Variants in ROBO1 observed in about 807,000 individuals in gnomAD.
The protein encoded by ROBO1 is roundabout homolog 1.
A neutral mutation model predicts 195.9 loss-of-function variants in ROBO1; 149 were observed. The ratio of observed to expected loss-of-function variants is 0.76; its 90% CI spans 0.67 to 0.87. The LOEUF (loss-of-function observed/expected upper bound fraction) is 0.87. Among genes scored for constraint, ROBO1 ranks in the 40% least tolerant of loss-of-function variants. ROBO1 has a pLI of 0.00. For synonymous variants in ROBO1, 816 were observed against 733.2 expected, an observed-to-expected ratio of 1.11 and a Z score of -1.82; for missense variants, 1,933 against 2,068.3, an observed-to-expected ratio of 0.93 and a Z score of 1.27.
At chr3:78,817,293 A>G (rs765410469) in intron 4 of ROBO1, among the ~76,000 whole-genome samples, 25 of 152,228 alleles carry the variant, frequency 1.6e-4, no homozygotes, top group Non-Finnish European at 3.5e-4. Context: ...GACTCATTTG[A>G]GATTAAGATG....
At chr3:79,630,818 A>C (rs1945317556) in intron 1 of ROBO1, among the ~76,000 whole-genome samples, 1 of 152,020 alleles carries the variant, frequency 6.6e-6, no homozygotes, top group Non-Finnish European at 1.5e-5. Context: ...AATCAGTAAC[A>C]TTTCTATACA....
At chr3:78,820,389 T>G (rs1402113233) in intron 4 of ROBO1, among the ~76,000 whole-genome samples, 4 of 152,150 alleles carry the variant, frequency 2.6e-5, no homozygotes, top group African/African-American at 9.7e-5. Context: ...CTTGGAGACA[T>G]TAAGTAACTT....
chr3:79,399,171 G>A (rs990260128), intron 2 of ROBO1, among the ~76,000 whole-genome samples: 2 of 152,132 alleles, frequency 1.3e-5, no homozygotes, highest in African/African-American at 4.8e-5. Context: ...AGAGAAATGT[G>A]AGAAGTCATA....
intron 3 of ROBO1, among the ~76,000 whole-genome samples, chr3:78,971,407 TC>T (rs2107914497): frequency 6.6e-6 from 1 of 152,088 alleles, no homozygotes; most frequent in Non-Finnish European, 1.5e-5. Context: ...AAAAGAAGTG[TC>T]CAGGACTCAA....
intron 28 of ROBO1, among the ~76,000 whole-genome samples, chr3:78,610,105 T>C (rs942894301): frequency 6.6e-6 from 1 of 152,168 alleles, no homozygotes; most frequent in Non-Finnish European, 1.5e-5. Flanking sequence ...ATCATATAAA[T>C]AGACTCAACA....
intron 4 of ROBO1, among the ~76,000 whole-genome samples, chr3:78,765,181 G>A (rs35077320): frequency 0.26 from 38,717 of 151,764 alleles, 5,096 homozygotes; most frequent in Non-Finnish European, 0.28. Context: ...TCTATATGCA[G>A]ATCATGACTG....
At chr3:78,810,514 A>C (rs192481569) in intron 4 of ROBO1, among the ~76,000 whole-genome samples, 2 of 152,284 alleles carry the variant, frequency 1.3e-5, no homozygotes, top group Admixed American at 1.3e-4. Flanking sequence ...CAAAAAATGA[A>C]GTATATTATT....
intron 1 of ROBO1, among the ~76,000 whole-genome samples, chr3:79,740,831 A>G (rs956584637): frequency 2.0e-5 from 3 of 152,336 alleles, no homozygotes; most frequent in African/African-American, 4.8e-5. Flanking sequence ...CACTCTGCCA[A>G]TTAACATTGT....
At chr3:79,059,298 G>A (rs2078870544) in intron 3 of ROBO1, among the ~76,000 whole-genome samples, 1 of 152,018 alleles carries the variant, frequency 6.6e-6, no homozygotes, top group Non-Finnish European at 1.5e-5. Context: ...TGGAGCTGAG[G>A]CATTAGATCA....
At chr3:79,052,673 C>A (rs1424478174) in intron 3 of ROBO1, among the ~76,000 whole-genome samples, 1 of 152,068 alleles carries the variant, frequency 6.6e-6, no homozygotes, top group African/African-American at 2.4e-5. Flanking sequence ...CTCTTTATTT[C>A]TCAGACTGGC....
intron 4 of ROBO1, among the ~76,000 whole-genome samples, chr3:78,761,372 T>C (rs1400618006): frequency 2.6e-5 from 4 of 151,782 alleles, no homozygotes; most frequent in Non-Finnish European, 5.9e-5. Flanking sequence ...TTATAAACAT[T>C]AAAAAAAATA....
Position 78,705,353 on chromosome 3 carries a change from C to T in ROBO1, c.1045+9044G>A, listed in dbSNP as rs559344951. 4.6e-5 allele frequency among the ~76,000 whole-genome samples: 7 copies of T among 152,328 alleles called. No homozygotes were observed. The South Asian group carries it at 1.2e-3, about 27-fold the overall frequency. ...ATAAGCACCCCATAATCCACACCCACTTTCTTGGGAATTCAACTATTTTAT... is the reference window on the plus strand; with the variant it reads ...ATAAGCACCCCATAATCCACACCCATTTTCTTGGGAATTCAACTATTTTAT... On this transcript the variant is annotated intron_variant, in intron 8 of 30. Coordinates refer to ENST00000464233, the MANE Select transcript of ROBO1 (RefSeq NM_002941.4).
intron 1 of ROBO1, among the ~76,000 whole-genome samples, chr3:79,639,602 A>T (rs1945597155): frequency 6.6e-6 from 1 of 152,206 alleles, no homozygotes. Flanking sequence ...CTGCAAGAGC[A>T]CTAATTTTAT....
chr3:79,322,107 G>A (rs989815093), intron 2 of ROBO1, among the ~76,000 whole-genome samples: 11 of 152,140 alleles, frequency 7.2e-5, no homozygotes, highest in Admixed American at 1.3e-4. Flanking sequence ...ACTAATAGCT[G>A]CTGTGGCTTT....
At chr3:78,602,552 T>C (rs978043588) in intron 29 of ROBO1, among the ~76,000 whole-genome samples, 3 of 152,200 alleles carry the variant, frequency 2.0e-5, no homozygotes, top group Non-Finnish European at 2.9e-5. Flanking sequence ...TAGGTGATTT[T>C]ACCCAGTCTC....
At chr3:79,767,136 A>G (rs916348601) in intron 1 of ROBO1, among the ~76,000 whole-genome samples, 4 of 152,126 alleles carry the variant, frequency 2.6e-5, no homozygotes, top group African/African-American at 7.2e-5. Context: ...TCCACCTAGT[A>G]ACGCTTATTT....
At chr3:78,620,642 GA>G (rs2107426624) in intron 26 of ROBO1, among the ~76,000 whole-genome samples, 1 of 152,252 alleles carries the variant, frequency 6.6e-6, no homozygotes, top group African/African-American at 2.4e-5. Flanking sequence ...CTCATTTAAT[GA>G]GCACTTACTT....
intron 2 of ROBO1, among the ~76,000 whole-genome samples, chr3:79,160,761 T>A (rs1049983147): frequency 5.3e-5 from 8 of 151,946 alleles, no homozygotes; most frequent in African/African-American, 1.9e-4. Context: ...AAAAGAATGA[T>A]CATATAGCAC....
chr3:78,903,577 A>ACACACC (rs2037715691), intron 4 of ROBO1, among the ~76,000 whole-genome samples: 1 of 151,786 alleles, frequency 6.6e-6, no homozygotes, highest in African/African-American at 2.4e-5. Context: ...ACACACACAC[A>ACACACC]CACCTTGCTG....
Sources: allele counts gnomAD v4.1 joint callset (sites outside exome capture counted in the v4.1 genomes callset), GRCh38; gene constraint gnomAD v4.1.1; transcripts MANE v1.5; gene names NCBI Gene and HGNC (gene_info 2026-07-23, HGNC 2026-07-21).